GRIK2: variants seen among roughly 807,000 people sequenced by gnomAD.
GRIK2 encodes the protein glutamate receptor ionotropic, kainate 2.
GRIK2 carries 32 observed loss-of-function variants against 100.3 expected under a neutral mutation model. The ratio of observed to expected loss-of-function variants is 0.32; its 90% CI spans 0.24 to 0.43. The LOEUF (loss-of-function observed/expected upper bound fraction) is 0.43. Among genes scored for constraint, GRIK2 ranks in the 20% least tolerant of loss-of-function variants. The pLI is 1.00. For synonymous variants in GRIK2, 417 were observed against 389.4 expected (o/e 1.07, Z -0.83); for missense variants, 843 against 1,114.9 (o/e 0.76, Z 3.47).
chr6:101,705,514 A>G (rs1434041900), intron 7 of GRIK2, among the ~76,000 whole-genome samples: 2 of 151,714 alleles, frequency 1.3e-5, no homozygotes, highest in Non-Finnish European at 2.9e-5. Context: ...ATTTTCTTTT[A>G]ATGACTGTAT....
At chr6:101,653,465 G>A (rs1480849743) in intron 4 of GRIK2, among the ~76,000 whole-genome samples, 6 of 151,826 alleles carry the variant, frequency 4.0e-5, no homozygotes, top group Non-Finnish European at 8.8e-5. Context: ...CAGGCAAAGT[G>A]AACTATTTGC....
intron 7 of GRIK2, among the ~76,000 whole-genome samples, chr6:101,781,042 T>C (rs1779054458): frequency 6.6e-6 from 1 of 152,260 alleles, no homozygotes; most frequent in African/African-American, 2.4e-5. Flanking sequence ...GTTAGAATTA[T>C]ATGATTCTAT....
At chr6:102,053,127 CAAAGA>C (rs1771289869) in intron 15 of GRIK2, among the ~76,000 whole-genome samples, 1 of 147,314 alleles carries the variant, frequency 6.8e-6, no homozygotes, top group South Asian at 2.2e-4. Flanking sequence ...CATACACACA[CAAAGA>C]AAAGAAATTA....
At chr6:101,554,232 C>T (rs920961834) in intron 2 of GRIK2, among the ~76,000 whole-genome samples, 2 of 152,144 alleles carry the variant, frequency 1.3e-5, no homozygotes, top group Non-Finnish European at 2.9e-5. Context: ...ACCAACCAGG[C>T]CCTGAGAGAC....
chr6:101,966,978 T>C (rs1202962194), intron 14 of GRIK2, among the ~76,000 whole-genome samples: 1 of 152,054 alleles, frequency 6.6e-6, no homozygotes, highest in Non-Finnish European at 1.5e-5. Context: ...CTCAATGTAA[T>C]ATTAAGCTAA....
chr6:101,607,657 A>G (rs1455241959), intron 2 of GRIK2, among the ~76,000 whole-genome samples: 2 of 151,930 alleles, frequency 1.3e-5, no homozygotes, highest in African/African-American at 2.4e-5. Flanking sequence ...AAAAGTGTCT[A>G]TTTAAAGTAG....
chr6:101,528,222 A>G (rs974114957), intron 2 of GRIK2, among the ~76,000 whole-genome samples: 1 of 152,170 alleles, frequency 6.6e-6, no homozygotes, highest in Non-Finnish European at 1.5e-5. Flanking sequence ...ACAGGTCCAC[A>G]GTCACTCATG....
intron 14 of GRIK2, among the ~76,000 whole-genome samples, chr6:101,936,158 AT>A (rs1336966215): frequency 2.6e-5 from 4 of 152,014 alleles, no homozygotes; most frequent in Non-Finnish European, 1.5e-5. Context: ...GGTTAGGTTA[AT>A]GGTTAATATT....
chr6:101,978,973 A>G (rs1263080990), intron 14 of GRIK2, among the ~76,000 whole-genome samples: 1 of 152,014 alleles, frequency 6.6e-6, no homozygotes, highest in Non-Finnish European at 1.5e-5. Flanking sequence ...CCTAATCATG[A>G]GCCACAATAC....
intron 14 of GRIK2, among the ~76,000 whole-genome samples, chr6:101,992,162 C>T (rs1794412092): frequency 6.6e-6 from 1 of 151,424 alleles, no homozygotes; most frequent in South Asian, 2.1e-4. Flanking sequence ...TATAAAGAAG[C>T]AGATCAGTCA....
chr6:101,602,533 CAGAG>C (rs1374595213), intron 2 of GRIK2, among the ~76,000 whole-genome samples: 1 of 150,534 alleles, frequency 6.6e-6, no homozygotes, highest in African/African-American at 2.4e-5. Flanking sequence ...TACTGATTAT[CAGAG>C]GGAGAGAATG....
At chr6:101,939,686 G>T (rs1442456996) in intron 14 of GRIK2, among the ~76,000 whole-genome samples, 2 of 152,002 alleles carry the variant, frequency 1.3e-5, no homozygotes, top group African/African-American at 2.4e-5. Context: ...CAGTTCCATG[G>T]TCACAGCAAA....
At chr6:101,818,908 T>C (rs1054997553) in intron 10 of GRIK2, among the ~76,000 whole-genome samples, 4 of 152,142 alleles carry the variant, frequency 2.6e-5, no homozygotes, top group Admixed American at 2.6e-4. Flanking sequence ...TTTTTTCTCA[T>C]TATAATTATA....
chr6:101,890,787 C>T (rs1178610159), intron 12 of GRIK2, among the ~76,000 whole-genome samples: 2 of 151,566 alleles, frequency 1.3e-5, no homozygotes, highest in Non-Finnish European at 2.9e-5. Flanking sequence ...TTAACTTTTG[C>T]TTTAATTAAG....
chr6:101,756,561 A>G (rs535047832), intron 7 of GRIK2, among the ~76,000 whole-genome samples: 110 of 152,168 alleles, frequency 7.2e-4, no homozygotes, highest in Non-Finnish European at 1.3e-3. Flanking sequence ...CTTCATGCCA[A>G]TCATGAATCT....
chr6:101,646,142 T>C (rs1235559923), intron 4 of GRIK2, among the ~76,000 whole-genome samples: 1 of 151,626 alleles, frequency 6.6e-6, no homozygotes, highest in Admixed American at 6.6e-5. Context: ...GCGTTTTCTT[T>C]AGAACTGTGT....
intron 2 of GRIK2, among the ~76,000 whole-genome samples, chr6:101,432,876 T>C (rs1374905955): frequency 2.0e-5 from 3 of 152,146 alleles, no homozygotes; most frequent in Non-Finnish European, 4.4e-5. Flanking sequence ...AGAGTGAACA[T>C]TCTCCACTAT....
intron 7 of GRIK2, among the ~76,000 whole-genome samples, chr6:101,752,551 T>G (rs1776859433): frequency 6.6e-6 from 1 of 152,232 alleles, no homozygotes; most frequent in South Asian, 2.1e-4. Context: ...ATTAAGAGTT[T>G]ATTTTGATAA....
chr6:101,886,861 C>T (rs1786672996), intron 11 of GRIK2, among the ~76,000 whole-genome samples: 1 of 125,224 alleles, frequency 8.0e-6, no homozygotes, highest in Admixed American at 1.0e-4. Flanking sequence ...GAGTCTCCCT[C>T]TGTTGCCTGG....
Sources: allele counts gnomAD v4.1 joint callset (sites outside exome capture counted in the v4.1 genomes callset), GRCh38; gene constraint gnomAD v4.1.1; transcripts MANE v1.5; gene names NCBI Gene and HGNC (gene_info 2026-07-23, HGNC 2026-07-21).